The following SLCO5A1 variants were observed in gnomAD, a reference collection of about 807,000 sequenced individuals.
The protein encoded by SLCO5A1 is organic anion transporter polypeptide-related protein 4.
SLCO5A1 carries 39 observed loss-of-function variants against 65.1 expected under a neutral mutation model. The observed-to-expected ratio is 0.60, with a 90% CI of 0.46 to 0.78. The LOEUF (loss-of-function observed/expected upper bound fraction) is 0.78, where lower values mean the gene tolerates loss of function less well. Among genes scored for constraint, SLCO5A1 ranks in the 30% least tolerant of loss-of-function variants. The pLI is 0.00. For synonymous variants in SLCO5A1, 438 were observed against 415.7 expected, an observed-to-expected ratio of 1.05 and a Z score of -0.65; for missense variants, 1,029 against 1,069.4, an observed-to-expected ratio of 0.96 and a Z score of 0.53.
At chr8:69,802,764 A>T (rs1285685479) in intron 2 of SLCO5A1, among the ~76,000 whole-genome samples, 1 of 152,024 alleles carries the variant, frequency 6.6e-6, no homozygotes, top group African/African-American at 2.4e-5. Flanking sequence ...TCCTCAAAGA[A>T]ATCCTCCCTA....
chr8:69,735,582 C>G (rs1288600072), intron 5 of SLCO5A1, among the ~76,000 whole-genome samples: 4 of 152,124 alleles, frequency 2.6e-5, no homozygotes, highest in Non-Finnish European at 5.9e-5. Context: ...GAAAACCAAA[C>G]TCGCATGTTC....
intron 5 of SLCO5A1, among the ~76,000 whole-genome samples, chr8:69,707,861 G>A (rs1177828593): frequency 6.6e-6 from 1 of 152,164 alleles, no homozygotes; most frequent in Non-Finnish European, 1.5e-5. Flanking sequence ...TGTGTGCGGA[G>A]CAGCTCAATG....
intron 2 of SLCO5A1, among the ~76,000 whole-genome samples, chr8:69,811,465 G>A (rs1007477911): frequency 4.6e-5 from 7 of 152,182 alleles, no homozygotes; most frequent in African/African-American, 1.7e-4. Flanking sequence ...TCATCGCTAT[G>A]GGGAATGGGG....
At position 69,762,118 on chromosome 8, in the gene SLCO5A1, T is replaced by TTTTC. The variant is rs552749800; in HGVS notation, c.908-247_908-244dup. Among the ~76,000 whole-genome samples, 976 of 104,640 alleles carry TTTTC rather than the reference T, an allele frequency of 9.3e-3. 23 individuals carry two copies. The highest frequency in any genetic ancestry group is 0.013 in the Middle Eastern group (3 of 228). The allele number at this position is 104,640 out of a possible 152,430, so 68.6% of individuals were successfully genotyped here. On this transcript the variant is annotated intron_variant, in intron 2 of 9. Transcript: ENST00000260126. ...GAGCTTTTTGGTGGCTTTTGTTTTG[T>TTTTC]TTTCTTTCTTTCTTTCTTTCTTTCT...
At chr8:69,674,939 C>G (rs1475264824) in intron 9 of SLCO5A1, among the ~76,000 whole-genome samples, 1 of 150,986 alleles carries the variant, frequency 6.6e-6, no homozygotes, top group Non-Finnish European at 1.5e-5. Context: ...ACTTGGGAGG[C>G]TGAGGCAGGA....
intron 2 of SLCO5A1, among the ~76,000 whole-genome samples, chr8:69,803,309 C>CA (rs1819839064): frequency 6.6e-6 from 1 of 152,132 alleles, no homozygotes; most frequent in Non-Finnish European, 1.5e-5. Flanking sequence ...CCCAACTACT[C>CA]AGGAGGCTGA....
chr8:69,824,094 A>T (rs1342540963), intron 2 of SLCO5A1, among the ~76,000 whole-genome samples: 1 of 152,222 alleles, frequency 6.6e-6, no homozygotes, highest in South Asian at 2.1e-4. Context: ...CAAAGACACA[A>T]CATACCAGAA....
chr8:69,744,097 C>T (rs763670921), intron 4 of SLCO5A1, among the ~76,000 whole-genome samples: 1 of 152,170 alleles, frequency 6.6e-6, no homozygotes, highest in African/African-American at 2.4e-5. Flanking sequence ...GTGGCTGGAA[C>T]TGGCTTCTGC....
At chr8:69,739,443 A>C (rs534884113) in intron 4 of SLCO5A1, among the ~76,000 whole-genome samples, 1 of 152,308 alleles carries the variant, frequency 6.6e-6, no homozygotes, top group Admixed American at 6.5e-5. Context: ...ATTAATGTAC[A>C]TTTATGTAAT....
chr8:69,699,013 A>G (rs576516878), intron 6 of SLCO5A1, among the ~76,000 whole-genome samples: 1 of 152,310 alleles, frequency 6.6e-6, no homozygotes, highest in South Asian at 2.1e-4. Flanking sequence ...TCAGTAAAAC[A>G]GAAAGCGTGA....
At chr8:69,682,152 T>G in intron 7 of SLCO5A1, 32 bp downstream of exon 7, 1 of 1,588,400 alleles carries the variant, frequency 6.3e-7, no homozygotes. Flanking sequence ...GATGTTGGAC[T>G]AACAGAAGAG....
intron 2 of SLCO5A1, among the ~76,000 whole-genome samples, chr8:69,762,193 T>C (rs1369412307): frequency 1.1e-5 from 1 of 91,424 alleles, no homozygotes; most frequent in African/African-American, 4.6e-5. Context: ...TTTCTTTCTT[T>C]CTTTCTTTTT....
intron 6 of SLCO5A1, among the ~76,000 whole-genome samples, chr8:69,686,284 A>G (rs995061974): frequency 1.3e-5 from 2 of 152,086 alleles, no homozygotes; most frequent in Non-Finnish European, 2.9e-5. Context: ...AAACTAGAAC[A>G]GTATCTTTCT....
chr8:69,793,081 A>T (rs1391456618), intron 2 of SLCO5A1, among the ~76,000 whole-genome samples: 1 of 152,022 alleles, frequency 6.6e-6, no homozygotes, highest in Middle Eastern at 3.2e-3. Flanking sequence ...TCCTGGGTTC[A>T]AGCGATTTTC....
intron 2 of SLCO5A1, among the ~76,000 whole-genome samples, chr8:69,809,733 G>T (rs942560567): frequency 1.0e-4 from 15 of 149,190 alleles, no homozygotes; most frequent in Non-Finnish European, 1.9e-4. Context: ...TAAGGAGTGT[G>T]GTGTGTGTGT....
chr8:69,735,218 G>C (rs1451194646), intron 5 of SLCO5A1, among the ~76,000 whole-genome samples: 1 of 152,130 alleles, frequency 6.6e-6, no homozygotes, highest in African/African-American at 2.4e-5. Flanking sequence ...TTACACTGTT[G>C]GTGCAAATGT....
At chr8:69,715,128 G>C (rs933032654) in intron 5 of SLCO5A1, among the ~76,000 whole-genome samples, 1 of 152,106 alleles carries the variant, frequency 6.6e-6, no homozygotes, top group African/African-American at 2.4e-5. Flanking sequence ...AACCCACAGA[G>C]GGCAAAAACC....
chr8:69,819,346 C>T (rs1222075427), intron 2 of SLCO5A1, among the ~76,000 whole-genome samples: 2 of 151,806 alleles, frequency 1.3e-5, no homozygotes, highest in Non-Finnish European at 1.5e-5. Context: ...ACCCCCTACT[C>T]CACATGGGAG....
At chr8:69,686,239 A>AAAAAAAAAAT (rs3060025) in intron 6 of SLCO5A1, among the ~76,000 whole-genome samples, 1 of 151,116 alleles carries the variant, frequency 6.6e-6, no homozygotes, top group Non-Finnish European at 1.5e-5. Flanking sequence ...AGCAAAAAAA[A>AAAAAAAAAAT]GAGAGAGAAG....
Sources: gnomAD v4.1 joint callset for allele counts (sites outside exome capture counted in the v4.1 genomes callset) on GRCh38, gnomAD v4.1.1 for gene constraint, MANE v1.5 for transcripts, NCBI Gene and HGNC (gene_info 2026-07-23, HGNC 2026-07-21) for gene names.